The following SLC6A5 variants were observed in gnomAD, a reference collection of about 807,000 sequenced individuals.
SLC6A5 encodes sodium- and chloride-dependent glycine transporter 2.
Under a neutral mutation model 90.5 loss-of-function variants are expected in SLC6A5, and 58 were observed. That is an observed-to-expected ratio of 0.64 (90% CI 0.52 to 0.80). The LOEUF (loss-of-function observed/expected upper bound fraction) is 0.80. Among genes scored for constraint, SLC6A5 ranks in the 30% least tolerant of loss-of-function variants. SLC6A5 has a pLI of 0.00. For synonymous variants in SLC6A5, 427 were observed against 401.4 expected, an observed-to-expected ratio of 1.06 and a Z score of -0.76; for missense variants, 1,015 against 1,017.6, an observed-to-expected ratio of 1.00 and a Z score of 0.03.
Position 20,655,323 on chromosome 11 carries a change from C to A in SLC6A5, c.*455C>A. On this transcript the variant is annotated 3_prime_UTR_variant, in exon 16 of 16. Transcript: ENST00000525748. ...TTGTTCAGACACACAAAGTTCAAGA[C>A]AGGTTTTTTTTTTTTTCAGAGAGTT... The A allele has an allele frequency of 4.7e-6, 1 of 211,922 alleles. No individual in the cohort carries two copies. The highest frequency in any genetic ancestry group is 9.6e-6 in the Non-Finnish European group (1 of 104,026). 13.1% of individuals were successfully genotyped at this position (211,922 alleles called of 1,614,324 possible). A position where few individuals can be genotyped will look rare whatever the true frequency, so the allele number is the denominator to read the frequency against.
chr11:20,651,913 A>G (rs1348678760), intron 14 of SLC6A5, among the ~76,000 whole-genome samples: 1 of 150,988 alleles, frequency 6.6e-6, no homozygotes, highest in African/African-American at 2.4e-5. Context: ...CTCAAAAAGA[A>G]AAAAAAAAGA....
In SLC6A5 at chr11:20,655,996, T is replaced by G. The variant is rs1234424368; in HGVS notation, c.*1128T>G. Reference sequence around the variant, plus strand: ...ACATGGTATTTATAGAACTTTCTGATAAATACAGCTTAGGTAAGTAGCGAG... The same window carrying G: ...ACATGGTATTTATAGAACTTTCTGAGAAATACAGCTTAGGTAAGTAGCGAG... On this transcript the variant is annotated 3_prime_UTR_variant, in exon 16 of 16. Coordinates refer to ENST00000525748, the MANE Select transcript of SLC6A5 (RefSeq NM_004211.5). 6 of 152,228 alleles carry G rather than the reference T, an allele frequency of 3.9e-5. No individual in the cohort carries two copies. The highest frequency in any genetic ancestry group is 1.4e-4 in the African/African-American group (6 of 41,460). The allele number at this position is 152,228 out of a possible 1,614,324, so 9.4% of individuals were successfully genotyped here.
intron 10 of SLC6A5, among the ~76,000 whole-genome samples, chr11:20,634,296 C>T (rs1475758786): frequency 6.6e-6 from 1 of 152,214 alleles, no homozygotes; most frequent in Non-Finnish European, 1.5e-5. Flanking sequence ...TTTTAAACAT[C>T]TAACGATGTT....
intron 7 of SLC6A5, among the ~76,000 whole-genome samples, chr11:20,621,662 A>T (rs534559142): frequency 6.6e-6 from 1 of 152,360 alleles, no homozygotes; most frequent in South Asian, 2.1e-4. Flanking sequence ...GCCAAGGTGG[A>T]TGCGCAGCTG....
chr11:20,637,412 C>T, intron 12 of SLC6A5, 109 bp downstream of exon 12: 1 of 963,614 alleles, frequency 1.0e-6, no homozygotes, highest in South Asian at 1.4e-5. Flanking sequence ...AAAGGCAAAT[C>T]ACTACCATTT....
At chr11:20,651,513 A>T (rs1216495949) in intron 14 of SLC6A5, among the ~76,000 whole-genome samples, 14 of 148,734 alleles carry the variant, frequency 9.4e-5, no homozygotes, top group Non-Finnish European at 2.1e-4. Flanking sequence ...ACCTCAGGTG[A>T]TCCACCGCCT....
At chr11:20,620,024 G>T (rs1234925858) in intron 7 of SLC6A5, among the ~76,000 whole-genome samples, 1 of 152,130 alleles carries the variant, frequency 6.6e-6, no homozygotes, top group African/African-American at 2.4e-5. Context: ...AGCTTGGGTG[G>T]GAGTTTCATC....
rs540351567 is a variant in SLC6A5 at position 20,604,864 on chromosome 11, G to T, written c.679+440G>T. 3.9e-5 allele frequency among the ~76,000 whole-genome samples: 6 copies of T among 152,268 alleles called. No individual in the cohort carries two copies. The South Asian group carries it at 1.2e-3, about 32-fold the overall frequency. On this transcript the variant is annotated intron_variant, in intron 3 of 15. Transcript: ENST00000525748. ...CTCCTTAGGAGATCTAAGAGGTGAGGGGGAAGGGGTTGAGGCTGTGCTGTC... is the reference window on the plus strand; with the variant it reads ...CTCCTTAGGAGATCTAAGAGGTGAGTGGGAAGGGGTTGAGGCTGTGCTGTC...
chr11:20,645,642 T>G (rs944831601), intron 13 of SLC6A5, among the ~76,000 whole-genome samples: 2 of 149,208 alleles, frequency 1.3e-5, no homozygotes, highest in Non-Finnish European at 3.0e-5. Context: ...AGTGTTTTTT[T>G]TTTTTTTTTT....
chr11:20,655,867 T>G lies in SLC6A5; in HGVS notation c.*999T>G, dbSNP rs1172688936. On this transcript the variant is annotated 3_prime_UTR_variant, in exon 16 of 16. Transcript: ENST00000525748. ...GATAACTTCTTAATTTTTACTCTTT[T>G]TCATTCACAGTAAATGCCAACTGTG... The G allele has an allele frequency of 2.0e-5, 3 of 152,234 alleles. No individual in the cohort carries two copies. The highest frequency in any genetic ancestry group is 7.2e-5 in the African/African-American group (3 of 41,464). 9.4% of individuals were successfully genotyped at this position (152,234 alleles called of 1,614,324 possible).
chr11:20,604,375 G>T lies in SLC6A5; in HGVS notation c.630G>T (p.Gly210=). 1.2e-6 allele frequency: 2 copies of T among 1,614,112 alleles called. No individual in the cohort carries two copies. Among genetic ancestry groups the T allele is most frequent in the Non-Finnish European group, 1.7e-6 (2 of 1,179,996 alleles). Residue 210 remains glycine (G), a synonymous_variant, in exon 3 of 16, where the codon GGG becomes GGT. Coordinates refer to ENST00000525748, the MANE Select transcript of SLC6A5 (RefSeq NM_004211.5). ...FILSMVGYAV[G]LGNVWRFPYL... ...TGTCCATGGTGGGGTACGCAGTGGG[G>T]CTGGGCAATGTCTGGAGGTTTCCCT...
chr11:20,620,668 A>C (rs1852872351), intron 7 of SLC6A5, among the ~76,000 whole-genome samples: 1 of 152,200 alleles, frequency 6.6e-6, no homozygotes, highest in African/African-American at 2.4e-5. Flanking sequence ...CATTTTGTAG[A>C]GAGAGAGACT....
At chr11:20,654,392 G>A (rs1162556013) in intron 15 of SLC6A5, among the ~76,000 whole-genome samples, 1 of 152,086 alleles carries the variant, frequency 6.6e-6, no homozygotes, top group Non-Finnish European at 1.5e-5. Context: ...TCATTTGGAG[G>A]GAAAAAATAT....
Position 20,657,294 on chromosome 11 carries a change from C to G in SLC6A5, c.*2426C>G, listed in dbSNP as rs1853648549. On this transcript the variant is annotated 3_prime_UTR_variant, in exon 16 of 16. Transcript: ENST00000525748. ...TTAACTTAATTGTGAGAACGGAGAC[C>G]TCATCACTAGCTGCATGTTTTGGAT... is the stretch of plus-strand genomic sequence containing the variant. 6.6e-6 allele frequency: 1 copy of G among 152,096 alleles called. No individual in the cohort carries two copies. The highest frequency in any genetic ancestry group is 6.5e-5 in the Admixed American group (1 of 15,272). 9.4% of individuals were successfully genotyped at this position (152,096 alleles called of 1,614,324 possible). A position where few individuals can be genotyped will look rare whatever the true frequency, so the allele number is the denominator to read the frequency against.
intron 12 of SLC6A5, among the ~76,000 whole-genome samples, chr11:20,637,947 T>A (rs866991914): frequency 2.6e-5 from 4 of 152,172 alleles, no homozygotes; most frequent in Admixed American, 1.3e-4. Context: ...GGCTTTAATT[T>A]CTTCTTCTGT....
chr11:20,636,488 G>A, intron 11 of SLC6A5, 69 bp downstream of exon 11: 1 of 998,594 alleles, frequency 1.0e-6, no homozygotes, highest in Non-Finnish European at 1.6e-6. Context: ...TGGGTCCTGG[G>A]TTCACCCTTC....
At chr11:20,626,644 C>T in intron 7 of SLC6A5, 64 bp from the exon 8 acceptor site, 1 of 1,577,964 alleles carries the variant, frequency 6.3e-7, no homozygotes, top group South Asian at 1.1e-5. Flanking sequence ...GAGCAATGCT[C>T]CTTCTGCACA....
intron 1 of SLC6A5, 71 bp downstream of exon 1, chr11:20,599,746 C>A: frequency 1.3e-6 from 2 of 1,585,868 alleles, no homozygotes; most frequent in Non-Finnish European, 1.7e-6. Context: ...TTCGTTTTGG[C>A]TATTTCTTTT....
At chr11:20,640,398 G>C (rs1460144473) in intron 13 of SLC6A5, among the ~76,000 whole-genome samples, 1 of 152,056 alleles carries the variant, frequency 6.6e-6, no homozygotes, top group African/African-American at 2.4e-5. Context: ...AGTCTCCCCC[G>C]CATCCCCATA....
Sources: gnomAD v4.1 joint callset for allele counts (sites outside exome capture counted in the v4.1 genomes callset) on GRCh38, gnomAD v4.1.1 for gene constraint, MANE v1.5 for transcripts, NCBI Gene and HGNC (gene_info 2026-07-23, HGNC 2026-07-21) for gene names.